Variants in PMPCA observed in about 807,000 individuals in gnomAD.
The protein encoded by PMPCA is peptidase, mitochondrial processing subunit alpha.
PMPCA carries 47 observed loss-of-function variants against 59.3 expected under a neutral mutation model. The ratio of observed to expected loss-of-function variants is 0.79; its 90% CI spans 0.63 to 1.01. PMPCA has a LOEUF of 1.01. Ranked by LOEUF, PMPCA falls within the 50% of genes least tolerant of loss-of-function variation. The pLI is 0.00. For missense variants in PMPCA, 726 were observed against 704.5 expected (o/e 1.03, Z -0.34); for synonymous variants, 338 against 290.3 (o/e 1.16, Z -1.67).
chr9:136,422,074 T>C (rs1835470687), intron 12 of PMPCA, 98 bp downstream of exon 12: 1 of 1,547,760 alleles, frequency 6.5e-7, no homozygotes. Context: ...GCCTGTGGTA[T>C]GTCCATCACA....
chr9:136,413,041 AT>A lies in PMPCA; in HGVS notation c.437+150del, dbSNP rs1424924418. 6 of 640,774 alleles carry A rather than the reference AT, an allele frequency of 9.4e-6. No individual in the cohort carries two copies. In the East Asian group the frequency reaches 1.6e-4, roughly 17 times the overall value. 39.7% of individuals were successfully genotyped at this position (640,774 alleles called of 1,614,324 possible). Reference sequence around the variant, plus strand: ...CTGTCCTGGATGGAGACTTGGGTGGATGGCGCTTACACAGAGAAGCACAGCC... The same window carrying A: ...CTGTCCTGGATGGAGACTTGGGTGGAGGCGCTTACACAGAGAAGCACAGCC... On this transcript the variant is annotated intron_variant, in intron 4 of 12. Transcript: ENST00000371717.
At chr9:136,412,721 G>T in intron 3 of PMPCA, 89 bp from the exon 4 acceptor site, 1 of 884,406 alleles carries the variant, frequency 1.1e-6, no homozygotes, top group Non-Finnish European at 1.9e-6. Context: ...TTGTATGTGT[G>T]TTAAAAGCAA....
chr9:136,422,382 A>G (rs936084104), intron 12 of PMPCA: 2 of 1,133,756 alleles, frequency 1.8e-6, no homozygotes, highest in Non-Finnish European at 2.2e-6. Flanking sequence ...TCTCAGCCCC[A>G]GGTTTCCGGG....
Position 136,412,296 on chromosome 9 carries a change from G to A in PMPCA, c.274+97G>A, listed in dbSNP as rs1339859043. ...GTAATTAGCATGCCAATTATGAATT[G>A]TACCCTGAGTGGAAACAAAGTGTAC... is the stretch of plus-strand genomic sequence containing the variant. On this transcript the variant is annotated intron_variant, in intron 2 of 12. Transcript: ENST00000371717. 3.1e-6 allele frequency: 3 copies of A among 958,136 alleles called. No individual in the cohort carries two copies. In the African/African-American group the frequency reaches 4.8e-5, roughly 15 times the overall value. The allele number at this position is 958,136 out of a possible 1,614,324, so 59.4% of individuals were successfully genotyped here. A position where few individuals can be genotyped will look rare whatever the true frequency, so the allele number is the denominator to read the frequency against.
intron 1 of PMPCA, chr9:136,411,023 C>T (rs1301306626): frequency 2.8e-6 from 1 of 363,172 alleles, no homozygotes. Context: ...TTTGCCCCCG[C>T]GCTTCACCTA....
intron 8 of PMPCA, 39 bp from the exon 9 acceptor site, chr9:136,418,516 C>A: frequency 7.8e-7 from 1 of 1,275,836 alleles, no homozygotes; most frequent in Non-Finnish European, 1.1e-6. Context: ...CCTGACGTGG[C>A]GTGGGTGGTT....
At chr9:136,412,442 T>C (rs892227550) in intron 2 of PMPCA, 48 bp from the exon 3 acceptor site, 1 of 934,760 alleles carries the variant, frequency 1.1e-6, no homozygotes, top group African/African-American at 1.7e-5. Flanking sequence ...TGATTAAATC[T>C]TATTTTGAAT....
rs1238256433 is a variant in PMPCA at position 136,417,916 on chromosome 9, A to G, written c.898-101A>G. 1.0e-5 allele frequency: 9 copies of G among 875,330 alleles called. No homozygotes were observed. The Middle Eastern group carries it at 8.8e-4, about 85-fold the overall frequency. 54.2% of individuals were successfully genotyped at this position (875,330 alleles called of 1,614,324 possible). On this transcript the variant is annotated intron_variant, in intron 7 of 12. Transcript: ENST00000371717. ...GCATGAGCCACTGTGCCTGGCTGGCATTGGATTTCTGTGTAACCACTCTGA... is the reference window on the plus strand; with the variant it reads ...GCATGAGCCACTGTGCCTGGCTGGCGTTGGATTTCTGTGTAACCACTCTGA...
Position 136,422,010 on chromosome 9 carries a change from A to G in PMPCA, c.1408+34A>G, listed in dbSNP as rs866930529. 3.8e-6 allele frequency: 6 copies of G among 1,581,464 alleles called. No individual in the cohort carries two copies. The East Asian group carries it at 1.4e-4, about 37-fold the overall frequency. On this transcript the variant is annotated intron_variant, in intron 12 of 12. Coordinates refer to ENST00000371717, the MANE Select transcript of PMPCA (RefSeq NM_015160.3). ...CGCAGGGGTAGTGAGGGGCTGCCGC[A>G]GGCCTCGGCCAGGCTCAGAGGAGGC... is the stretch of plus-strand genomic sequence containing the variant.
rs1431243867 is a variant in PMPCA, at chr9:136,410,750, G to A, written c.71+11G>A. On this transcript the variant is annotated intron_variant, in intron 1 of 12. Coordinates refer to ENST00000371717, the MANE Select transcript of PMPCA (RefSeq NM_015160.3). Reference sequence around the variant, plus strand: ...CTGTTCGCGGCTGAGGTGAGCCAAAGGCGAACCAGGCTTCGGCCTGGGGCG... The same window carrying A: ...CTGTTCGCGGCTGAGGTGAGCCAAAAGCGAACCAGGCTTCGGCCTGGGGCG... 14 of 1,401,646 alleles carry A rather than the reference G, an allele frequency of 1.0e-5. No homozygotes were observed. The African/African-American group carries it at 1.5e-4, about 15-fold the overall frequency. 86.8% of individuals were successfully genotyped at this position (1,401,646 alleles called of 1,614,324 possible).
intron 12 of PMPCA, 172 bp downstream of exon 12, chr9:136,422,148 T>C: frequency 6.5e-7 from 1 of 1,541,126 alleles, no homozygotes; most frequent in Middle Eastern, 1.7e-4. Flanking sequence ...GGTCGTGGGG[T>C]CGCAGACCTG....
In PMPCA at chr9:136,421,937, C is replaced by CG. The variant is rs1796189315; in HGVS notation, c.1370dup (p.Ser458LeufsTer26). On this transcript the variant is annotated frameshift_variant, in exon 12 of 13. Coordinates refer to ENST00000371717, the MANE Select transcript of PMPCA (RefSeq NM_015160.3). LOFTEE classifies it high-confidence loss of function. Reference sequence around the variant, plus strand: ...TGTGGGGAGGCAGGTGCTGGCCACTCGCTCCAGAAAGCTGCCGCACGAGCT... The same window carrying CG: ...TGTGGGGAGGCAGGTGCTGGCCACTCGGCTCCAGAAAGCTGCCGCACGAGCT... The CG allele has an allele frequency of 6.2e-7, 1 of 1,612,768 alleles. No individual in the cohort carries two copies. The highest frequency in any genetic ancestry group is 1.7e-5 in the Admixed American group (1 of 59,994).
At chr9:136,421,022 T>C (rs1209866825) in intron 11 of PMPCA, 2 of 152,032 alleles carry the variant, frequency 1.3e-5, no homozygotes, top group Non-Finnish European at 2.9e-5. Flanking sequence ...TGCATGTCCT[T>C]CTCACAGCAC....
In PMPCA at chr9:136,423,186, G is replaced by C. The variant is rs779074797; in HGVS notation, c.1500G>C (p.Leu500=). ...AVAALGDLTD[L]PTYEHIQTAL... ...CCGCCCTGGGTGACCTGACTGACCT[G>C]CCCACGTATGAGCACATCCAGACCG... is the stretch of plus-strand genomic sequence containing the variant. The change falls in exon 13 of 13, where the codon CTG becomes CTC. Residue 500 remains leucine (L), a synonymous_variant. Coordinates refer to ENST00000371717, the MANE Select transcript of PMPCA (RefSeq NM_015160.3). The C allele has an allele frequency of 6.2e-7, 1 of 1,613,810 alleles. No homozygotes were observed. Among genetic ancestry groups the C allele is most frequent in the Non-Finnish European group, 8.5e-7 (1 of 1,180,046 alleles).
rs777534357 is a variant in PMPCA, at chr9:136,412,820, G to T, written c.365G>T (p.Arg122Leu). 2 of 1,598,266 alleles carry T rather than the reference G, an allele frequency of 1.3e-6. No individual in the cohort carries two copies. The highest frequency in any genetic ancestry group is 1.7e-6 in the Non-Finnish European group (2 of 1,165,818). Residue 122 changes from arginine to leucine, a missense_variant, in exon 4 of 13, where the codon CGA becomes CTA. Coordinates refer to ENST00000371717, the MANE Select transcript of PMPCA (RefSeq NM_015160.3). ...LEKLAFSSTA[R>L]FDSKDEILLT... ...ATTTATTTTTACTAGTCTACTGCTC[G>T]ATTTGACAGCAAAGATGAAATTCTG... is the stretch of plus-strand genomic sequence containing the variant.
chr9:136,415,618 C>T (rs531005180), intron 5 of PMPCA, among the ~76,000 whole-genome samples: 1 of 152,314 alleles, frequency 6.6e-6, no homozygotes, highest in African/African-American at 2.4e-5. Context: ...GAAAGGCGCC[C>T]TTGACATCTG....
At position 136,418,856 on chromosome 9, in the gene PMPCA, T is replaced by A; in HGVS notation, c.1138T>A (p.Tyr380Asn). 6.2e-7 allele frequency: 1 copy of A among 1,613,338 alleles called. No homozygotes were observed. The highest frequency in any genetic ancestry group is 8.5e-7 in the Non-Finnish European group (1 of 1,179,894). Residue 380 changes from tyrosine (Y) to asparagine (N), a missense_variant, in exon 10 of 13, where the codon TAC (tyrosine) becomes AAC (asparagine). By Grantham distance (143) the Tyr-to-Asn change is moderately radical (BLOSUM62 -2). Coordinates refer to ENST00000371717, the MANE Select transcript of PMPCA (RefSeq NM_015160.3). ...RHHWMYNATSYHHSYEDTGLL... is the reference protein window; with the variant it reads ...RHHWMYNATSNHHSYEDTGLL... ...CCACTGGATGTATAACGCGACCTCCTACCACCACAGCTACGAGGACACTGG... is the reference window on the plus strand; with the variant it reads ...CCACTGGATGTATAACGCGACCTCCAACCACCACAGCTACGAGGACACTGG...
chr9:136,411,862 T>C (rs557660375), intron 1 of PMPCA, 135 bp from the exon 2 acceptor site: 1 of 654,030 alleles, frequency 1.5e-6, no homozygotes, highest in East Asian at 2.7e-5. Context: ...TCTTCCAAAG[T>C]CTGTAGAAAT....
At chr9:136,418,955 G>A (rs1012263871) in intron 10 of PMPCA, 37 bp downstream of exon 10, 3 of 1,605,460 alleles carry the variant, frequency 1.9e-6, no homozygotes, top group Non-Finnish European at 2.6e-6. Flanking sequence ...CAGTGCGGTT[G>A]CCTGTCCAGA....
Sources: allele counts gnomAD v4.1 joint callset (sites outside exome capture counted in the v4.1 genomes callset), GRCh38; gene constraint gnomAD v4.1.1; transcripts MANE v1.5; gene names NCBI Gene and HGNC (gene_info 2026-07-23, HGNC 2026-07-21).